The following ARHGAP15 variants were observed in gnomAD, a reference collection of about 807,000 sequenced individuals.
ARHGAP15 encodes rho GTPase-activating protein 15.
ARHGAP15 carries 51 observed loss-of-function variants against 63.7 expected under a neutral mutation model. The observed-to-expected ratio is 0.80, with a 90% CI of 0.64 to 1.01. ARHGAP15 has a LOEUF of 1.01. Among genes scored for constraint, ARHGAP15 ranks in the 50% least tolerant of loss-of-function variants. The pLI is 0.00. For missense variants in ARHGAP15, 560 were observed against 564.6 expected (o/e 0.99, Z 0.08); for synonymous variants, 191 against 193.8 (o/e 0.99, Z 0.12).
chr2:143,494,440 C>T (rs1176458863), intron 9 of ARHGAP15, among the ~76,000 whole-genome samples: 1 of 152,106 alleles, frequency 6.6e-6, no homozygotes, highest in Non-Finnish European at 1.5e-5. Context: ...GAGGATGGCA[C>T]ATAGAACTCA....
intron 3 of ARHGAP15, among the ~76,000 whole-genome samples, chr2:143,207,495 AAC>A (rs70982851): frequency 0.011 from 1,621 of 145,406 alleles, 16 homozygotes; most frequent in African/African-American, 0.03. Flanking sequence ...CACACACATA[AAC>A]ACACACACAC....
At chr2:143,234,606 C>T (rs1693569589) in intron 5 of ARHGAP15, among the ~76,000 whole-genome samples, 2 of 152,114 alleles carry the variant, frequency 1.3e-5, no homozygotes, top group Non-Finnish European at 2.9e-5. Flanking sequence ...CAAGATTGTG[C>T]TTCAGTTTTT....
chr2:143,580,725 C>T (rs553961403), intron 11 of ARHGAP15, among the ~76,000 whole-genome samples: 2 of 151,856 alleles, frequency 1.3e-5, no homozygotes, highest in Non-Finnish European at 2.9e-5. Flanking sequence ...TGTATCATTA[C>T]AAATATATTG....
intron 9 of ARHGAP15, among the ~76,000 whole-genome samples, chr2:143,495,406 C>T (rs1371196757): frequency 1.3e-5 from 2 of 152,102 alleles, no homozygotes; most frequent in Non-Finnish European, 2.9e-5. Flanking sequence ...TTATATTTCT[C>T]TTTTTGGTAA....
intron 12 of ARHGAP15, among the ~76,000 whole-genome samples, chr2:143,671,251 G>GT (rs925473578): frequency 6.0e-4 from 90 of 148,908 alleles, no homozygotes; most frequent in East Asian, 7.9e-4. Flanking sequence ...TTTTTAATTA[G>GT]TTTTTTTTTT....
chr2:143,661,693 G>A (rs1357766937), intron 12 of ARHGAP15, among the ~76,000 whole-genome samples: 4 of 152,208 alleles, frequency 2.6e-5, no homozygotes, highest in Non-Finnish European at 5.9e-5. Context: ...GTGCCAGACA[G>A]TGGGCACAGG....
chr2:143,223,608 G>A (rs923227363), intron 4 of ARHGAP15, among the ~76,000 whole-genome samples: 1 of 152,186 alleles, frequency 6.6e-6, no homozygotes, highest in Non-Finnish European at 1.5e-5. Context: ...GGGATAAAGG[G>A]CTCGCAGTTC....
intron 13 of ARHGAP15, among the ~76,000 whole-genome samples, chr2:143,752,195 T>C (rs1686402924): frequency 6.6e-6 from 1 of 152,152 alleles, no homozygotes; most frequent in Non-Finnish European, 1.5e-5. Flanking sequence ...TACCAGTGTC[T>C]CAGCATCCCC....
At position 143,661,877 on chromosome 2, in the gene ARHGAP15, C is replaced by T. The variant is rs572509396; in HGVS notation, c.1138+37610C>T. 1.4e-4 allele frequency among the ~76,000 whole-genome samples: 22 copies of T among 152,340 alleles called. No individual in the cohort carries two copies. In the East Asian group the frequency reaches 2.3e-3, roughly 16 times the overall value. On this transcript the variant is annotated intron_variant, in intron 12 of 13. Coordinates refer to ENST00000295095, the MANE Select transcript of ARHGAP15 (RefSeq NM_018460.4). ...CTTTTCGGACCGGCTTAAAAAATGGCGCACCACGAGATTATATCCCGCACC... is the reference window on the plus strand; with the variant it reads ...CTTTTCGGACCGGCTTAAAAAATGGTGCACCACGAGATTATATCCCGCACC...
intron 8 of ARHGAP15, among the ~76,000 whole-genome samples, chr2:143,475,786 G>A (rs1319331175): frequency 6.6e-6 from 1 of 152,250 alleles, no homozygotes; most frequent in Non-Finnish European, 1.5e-5. Context: ...CTTATTTCAG[G>A]AGAAATCGTT....
chr2:143,575,617 A>G (rs1458506645), intron 11 of ARHGAP15, among the ~76,000 whole-genome samples: 5 of 152,034 alleles, frequency 3.3e-5, no homozygotes, highest in African/African-American at 1.2e-4. Context: ...CAGACTTTTC[A>G]TTTTCATTTT....
intron 6 of ARHGAP15, among the ~76,000 whole-genome samples, chr2:143,384,341 G>A (rs1174807999): frequency 6.6e-6 from 1 of 151,976 alleles, no homozygotes; most frequent in Non-Finnish European, 1.5e-5. Context: ...AAAAGACGAT[G>A]CAAATTAAAT....
chr2:143,542,728 CATATATAATATATATATGAT>C (rs1161374316), intron 10 of ARHGAP15, among the ~76,000 whole-genome samples: 1 of 107,408 alleles, frequency 9.3e-6, no homozygotes, highest in East Asian at 2.2e-4. Context: ...TATAATATCA[CATATATAATATATATATGAT>C]ATATATAATA....
intron 10 of ARHGAP15, among the ~76,000 whole-genome samples, chr2:143,539,573 T>G (rs1426170472): frequency 1.3e-5 from 2 of 152,216 alleles, no homozygotes; most frequent in Non-Finnish European, 1.5e-5. Flanking sequence ...GATTCTGGTA[T>G]GTTGTGTCTT....
chr2:143,171,463 A>G (rs1044688118), intron 2 of ARHGAP15, among the ~76,000 whole-genome samples: 16 of 152,138 alleles, frequency 1.1e-4, no homozygotes, highest in Non-Finnish European at 1.5e-4. Flanking sequence ...TGGAGAGTAT[A>G]GTAACCACAA....
intron 12 of ARHGAP15, among the ~76,000 whole-genome samples, chr2:143,661,858 G>A (rs13014832): frequency 0.25 from 37,907 of 152,100 alleles, 5,877 homozygotes; most frequent in Admixed American, 0.36. Flanking sequence ...TACGCTTTTC[G>A]GACCGGCTTA....
chr2:143,439,056 T>C (rs1423695227), intron 8 of ARHGAP15, among the ~76,000 whole-genome samples: 1 of 152,180 alleles, frequency 6.6e-6, no homozygotes, highest in African/African-American at 2.4e-5. Flanking sequence ...CACTCACTAC[T>C]TCTCTTTAGA....
At chr2:143,655,244 G>A (rs1351760527) in intron 12 of ARHGAP15, among the ~76,000 whole-genome samples, 1 of 151,992 alleles carries the variant, frequency 6.6e-6, no homozygotes, top group Non-Finnish European at 1.5e-5. Context: ...CATATTTGTA[G>A]TCTTCTATCC....
chr2:143,464,940 A>T (rs776172238), intron 8 of ARHGAP15, among the ~76,000 whole-genome samples: 1 of 152,176 alleles, frequency 6.6e-6, no homozygotes, highest in Non-Finnish European at 1.5e-5. Context: ...AATATTTATT[A>T]TAACAAGTTT....
Sources: allele counts gnomAD v4.1 joint callset (sites outside exome capture counted in the v4.1 genomes callset), GRCh38; gene constraint gnomAD v4.1.1; transcripts MANE v1.5; gene names NCBI Gene and HGNC (gene_info 2026-07-23, HGNC 2026-07-21).